ECT2L: variants seen among roughly 807,000 people sequenced by gnomAD.
ECT2L encodes the protein epithelial cell-transforming sequence 2 oncogene-like.
ECT2L carries 126 observed loss-of-function variants against 122.8 expected under a neutral mutation model. The ratio of observed to expected loss-of-function variants is 1.03; its 90% confidence interval spans 0.89 to 1.19. ECT2L has a LOEUF of 1.19. Among genes scored for constraint, ECT2L ranks in the 50% most tolerant of loss-of-function variants. The pLI is 0.00. For synonymous variants in ECT2L, 385 were observed against 381.8 expected (o/e 1.01, Z -0.10); for missense variants, 1,012 against 1,064.1 (o/e 0.95, Z 0.68).
At chr6:138,851,258 A>T (rs1777441975) in intron 9 of ECT2L, among the ~76,000 whole-genome samples, 1 of 151,824 alleles carries the variant, frequency 6.6e-6, no homozygotes, top group Admixed American at 6.6e-5. Context: ...GTGTGATCAT[A>T]GCTTATTGTA....
intron 3 of ECT2L, 129 bp from the exon 4 acceptor site, chr6:138,814,362 G>T (rs17067925): frequency 4.2e-6 from 2 of 478,878 alleles, no homozygotes; most frequent in Non-Finnish European, 7.3e-6. Flanking sequence ...ATGTGAAAGC[G>T]CTCTGTGAAC....
intron 19 of ECT2L, among the ~76,000 whole-genome samples, chr6:138,887,253 G>A (rs1778861928): frequency 6.7e-6 from 1 of 148,766 alleles, no homozygotes; most frequent in Non-Finnish European, 1.5e-5. Context: ...TTGAGACCGA[G>A]TCTCACACTG....
intron 20 of ECT2L, among the ~76,000 whole-genome samples, chr6:138,900,483 T>A (rs1204021338): frequency 6.6e-6 from 1 of 152,152 alleles, no homozygotes; most frequent in Non-Finnish European, 1.5e-5. Flanking sequence ...CCTGACCTCA[T>A]AATCAGCCTG....
intron 4 of ECT2L, among the ~76,000 whole-genome samples, chr6:138,832,027 AATTTT>A (rs1776664152): frequency 8.0e-6 from 1 of 125,630 alleles, no homozygotes; most frequent in African/African-American, 2.9e-5. Flanking sequence ...AAATGTCTTC[AATTTT>A]TTTTATCATT....
chr6:138,798,394 T>C (rs1196065228), intron 1 of ECT2L, among the ~76,000 whole-genome samples: 1 of 152,086 alleles, frequency 6.6e-6, no homozygotes, highest in Non-Finnish European at 1.5e-5. Flanking sequence ...CAAAAGATGC[T>C]CCTATCACCC....
rs1349402546 is a variant in ECT2L, at chr6:138,874,548, AG to A, written c.1579-1923del. Among the ~76,000 whole-genome samples, 6 of 152,330 alleles carry A rather than the reference AG, an allele frequency of 3.9e-5. No individual in the cohort carries two copies. The East Asian group carries it at 1.2e-3, about 29-fold the overall frequency. ...GCTGCTGAGCCGGAATGTGAAACAAAGCCCAACTGTAAGCGAGCAGGTTCTA... is the reference window on the plus strand; with the variant it reads ...GCTGCTGAGCCGGAATGTGAAACAAACCCAACTGTAAGCGAGCAGGTTCTA... On this transcript the variant is annotated intron_variant, in intron 13 of 21. Coordinates refer to ENST00000541398, the MANE Select transcript of ECT2L (RefSeq NM_001077706.3).
intron 1 of ECT2L, among the ~76,000 whole-genome samples, chr6:138,806,998 T>C (rs1196580987): frequency 6.6e-6 from 1 of 152,200 alleles, no homozygotes; most frequent in Admixed American, 6.5e-5. Flanking sequence ...GAAAATATAT[T>C]CACTGTTCAT....
intron 8 of ECT2L, among the ~76,000 whole-genome samples, chr6:138,847,537 ATTTTT>A (rs777070599): frequency 8.1e-6 from 1 of 123,830 alleles, no homozygotes; most frequent in Admixed American, 8.1e-5. Flanking sequence ...TGCCCGGCTA[ATTTTT>A]TTTTTTTTTT....
chr6:138,872,477 G>A (rs1481145221), intron 13 of ECT2L, among the ~76,000 whole-genome samples: 1 of 152,186 alleles, frequency 6.6e-6, no homozygotes, highest in Admixed American at 6.5e-5. Context: ...GGGTGGGAAC[G>A]CCAGATGGGC....
At chr6:138,847,261 T>TCAAAA (rs201708049) in intron 8 of ECT2L, among the ~76,000 whole-genome samples, 3 of 145,706 alleles carry the variant, frequency 2.1e-5, no homozygotes, top group African/African-American at 2.5e-5. Context: ...AGACACTGTC[T>TCAAAA]CAAAACAAAA....
At chr6:138,867,467 G>A (rs1227785271) in intron 12 of ECT2L, among the ~76,000 whole-genome samples, 2 of 151,942 alleles carry the variant, frequency 1.3e-5, no homozygotes, top group African/African-American at 2.4e-5. Flanking sequence ...TTGAGGCCAG[G>A]AGTTTGAGAC....
intron 6 of ECT2L, among the ~76,000 whole-genome samples, chr6:138,843,888 C>T (rs1777128291): frequency 1.3e-5 from 2 of 152,128 alleles, no homozygotes; most frequent in African/African-American, 4.8e-5. Flanking sequence ...TGGGGTTTCT[C>T]CATGTTGGCC....
intron 1 of ECT2L, among the ~76,000 whole-genome samples, chr6:138,797,570 G>GATTT (rs1317098782): frequency 6.6e-6 from 1 of 151,952 alleles, no homozygotes; most frequent in Non-Finnish European, 1.5e-5. Context: ...TCCCAGTGAG[G>GATTT]ATTTAGCTCT....
At chr6:138,828,030 C>G (rs1198660910) in intron 4 of ECT2L, among the ~76,000 whole-genome samples, 1 of 151,980 alleles carries the variant, frequency 6.6e-6, no homozygotes, top group African/African-American at 2.4e-5. Context: ...TGTGCTGCAC[C>G]CATTAACTCG....
intron 20 of ECT2L, among the ~76,000 whole-genome samples, chr6:138,896,786 T>TCCC (rs1391945202): frequency 2.0e-5 from 3 of 152,172 alleles, no homozygotes; most frequent in African/African-American, 2.4e-5. Context: ...TAGCTGGGAC[T>TCCC]ATAGGTGTGC....
At chr6:138,800,127 T>C (rs1274060793) in intron 1 of ECT2L, among the ~76,000 whole-genome samples, 1 of 152,164 alleles carries the variant, frequency 6.6e-6, no homozygotes, top group South Asian at 2.1e-4. Flanking sequence ...GCAACAGACT[T>C]TAGAAGCATT....
intron 20 of ECT2L, among the ~76,000 whole-genome samples, chr6:138,892,248 C>A (rs981946615): frequency 6.6e-6 from 1 of 152,144 alleles, no homozygotes; most frequent in African/African-American, 2.4e-5. Flanking sequence ...GTATTAATGA[C>A]CCCACCAAAG....
At chr6:138,859,233 A>G (rs1449702950) in intron 10 of ECT2L, among the ~76,000 whole-genome samples, 1 of 152,192 alleles carries the variant, frequency 6.6e-6, no homozygotes, top group Non-Finnish European at 1.5e-5. Context: ...CGATCCATGT[A>G]TCAGTATCTC....
chr6:138,903,943 T>A lies in ECT2L; in HGVS notation c.*1316T>A, dbSNP rs1304551337. ...GAATCTATAGTATTTAAACATTTTT[T>A]CTTTCAGAAATGAAAATACAAAATC... On this transcript the variant is annotated 3_prime_UTR_variant, in exon 22 of 22. Transcript: ENST00000541398. 1.3e-5 allele frequency: 2 copies of A among 152,206 alleles called. No homozygotes were observed. The highest frequency in any genetic ancestry group is 2.9e-5 in the Non-Finnish European group (2 of 68,014). The allele number at this position is 152,206 out of a possible 1,614,324, so 9.4% of individuals were successfully genotyped here.
Sources: allele counts gnomAD v4.1 joint callset (sites outside exome capture counted in the v4.1 genomes callset), GRCh38; gene constraint gnomAD v4.1.1; transcripts MANE v1.5; gene names NCBI Gene and HGNC (gene_info 2026-07-23, HGNC 2026-07-21).